Variants in DCAF1 observed in about 807,000 individuals in gnomAD.
DCAF1 encodes DDB1- and CUL4-associated factor 1.
A neutral mutation model predicts 128.0 loss-of-function variants in DCAF1; 15 were observed. That is an observed-to-expected ratio of 0.12 (90% CI 0.08 to 0.18). The LOEUF (loss-of-function observed/expected upper bound fraction) is 0.18. Ranked by LOEUF, DCAF1 falls within the 10% of genes least tolerant of loss-of-function variation. DCAF1 has a pLI of 1.00. For synonymous variants in DCAF1, 610 were observed against 603.0 expected, an observed-to-expected ratio of 1.01 and a Z score of -0.17; for missense variants, 988 against 1,649.5, an observed-to-expected ratio of 0.60 and a Z score of 6.95.
intron 6 of DCAF1, among the ~76,000 whole-genome samples, chr3:51,451,703 A>T (rs1001431677): frequency 2.0e-5 from 3 of 151,566 alleles, no homozygotes; most frequent in Admixed American, 2.0e-4. Flanking sequence ...CAGAGGTTGC[A>T]GTGAGCTGAG....
At position 51,420,024 on chromosome 3, in the gene DCAF1, A is replaced by G; in HGVS notation, c.2946T>C (p.Gly982=). The part of the protein sequence containing the change: ...IRVLRQKSDH[G]AYSQSPAIKK... ...TTATGGCTGGGCTTTGGCTGTAGGC[A>G]CCATGGTCCGACTTCTGCCGCAACA... The change falls in exon 15 of 25, where the codon GGT becomes GGC. Residue 982 remains glycine (G), a synonymous_variant. Coordinates refer to ENST00000684031, the MANE Select transcript of DCAF1 (RefSeq NM_001387579.1). This position sits in a 1 kb window ranked among gnomAD's most constrained non-coding sequence, Gnocchi z 6.5. The G allele has an allele frequency of 2.5e-6, 4 of 1,613,950 alleles. No homozygotes were observed. The highest frequency in any genetic ancestry group is 3.4e-6 in the Non-Finnish European group (4 of 1,179,890).
At chr3:51,447,218 T>C (rs781895405) in intron 6 of DCAF1, among the ~76,000 whole-genome samples, 14 of 151,690 alleles carry the variant, frequency 9.2e-5, no homozygotes, top group Non-Finnish European at 1.8e-4. Context: ...ACCAGCCTCC[T>C]GGCCAACATG....
In DCAF1 at chr3:51,441,562, T is replaced by G. The variant is rs782300328; in HGVS notation, c.849A>C (p.Gln283His). 1 of 1,614,022 alleles carries G rather than the reference T, an allele frequency of 6.2e-7. No homozygotes were observed. Among genetic ancestry groups the G allele is most frequent in the Admixed American group, 1.7e-5 (1 of 60,010 alleles). The change falls in exon 8 of 25, where the codon CAA becomes CAC. Residue 283 changes from glutamine to histidine, a missense_variant. Coordinates refer to ENST00000684031, the MANE Select transcript of DCAF1 (RefSeq NM_001387579.1). ...GATCAGAAGATGAGAAACCCAACTT[T>G]TGCTTGGCTTTCCTAAAGTTCTCTC... The part of the protein sequence containing the change: ...GDRENFRKAK[Q>H]KLGFSSSDPD...
Position 51,444,007 on chromosome 3 carries a change from T to C in DCAF1, c.376-104A>G. ...CATGAAAAAAATTTTAATATTTCAA[T>C]GTTCGTAAGAGTAAAAAAAGTACTA... On this transcript the variant is annotated intron_variant, in intron 6 of 24. Coordinates refer to ENST00000684031, the MANE Select transcript of DCAF1 (RefSeq NM_001387579.1). 8.0e-6 allele frequency: 9 copies of C among 1,123,886 alleles called. No homozygotes were observed. In the South Asian group the frequency reaches 1.6e-4, roughly 20 times the overall value. 69.6% of individuals were successfully genotyped at this position (1,123,886 alleles called of 1,614,324 possible). A position where few individuals can be genotyped will look rare whatever the true frequency, so the allele number is the denominator to read the frequency against.
At position 51,420,496 on chromosome 3, in the gene DCAF1, G is replaced by A; in HGVS notation, c.2474C>T (p.Thr825Ile). ...RVSGKPLLIGTDVSLARLQKA... is the reference protein window; with the variant it reads ...RVSGKPLLIGIDVSLARLQKA... ...CTGCAGTCGTGCTAGGGAAACATCA[G>A]TGCCAATGAGAAGTGGTTTTCCTGA... The change falls in exon 15 of 25, where the codon ACT (threonine) becomes ATT (isoleucine). Residue 825 changes from threonine to isoleucine, a missense_variant. Thr to Ile is a moderately conservative substitution (Grantham distance 89). Transcript: ENST00000684031. This position sits in a 1 kb window ranked among gnomAD's most constrained non-coding sequence, Gnocchi z 6.5. The A allele has an allele frequency of 6.2e-7, 1 of 1,613,984 alleles. No homozygotes were observed. Among genetic ancestry groups the A allele is most frequent in the Non-Finnish European group, 8.5e-7 (1 of 1,179,890 alleles).
At chr3:51,397,714 G>A (rs144011390), downstream of DCAF1, 1 of 167,170 alleles carries the variant, frequency 6.0e-6, no homozygotes, top group Non-Finnish European at 1.5e-5. Context: ...TTTCCTCCCT[G>A]GAGTGCTCTA....
rs2089351845 is a variant in DCAF1 at position 51,398,233 on chromosome 3, A to G, written c.*536T>C. The G allele has an allele frequency of 6.6e-6, 1 of 152,146 alleles. No homozygotes were observed. Among genetic ancestry groups the G allele is most frequent in the Non-Finnish European group, 1.5e-5 (1 of 68,032 alleles). 9.4% of individuals were successfully genotyped at this position (152,146 alleles called of 1,614,324 possible). On this transcript the variant is annotated 3_prime_UTR_variant, in exon 25 of 25. Coordinates refer to ENST00000684031, the MANE Select transcript of DCAF1 (RefSeq NM_001387579.1). ...AATATTCTTAATCCTTATCAATTTA[A>G]GAAACCACGATTTTCCTTTTCATTT...
At chr3:51,427,168 T>G (rs1388123013) in intron 13 of DCAF1, among the ~76,000 whole-genome samples, 1 of 152,218 alleles carries the variant, frequency 6.6e-6, no homozygotes, top group African/African-American at 2.4e-5. Context: ...ATGCAAATTT[T>G]ACAATCACCA....
At chr3:51,395,885 A>G (rs143050198), downstream of DCAF1, 1,060 of 413,496 alleles carry the variant, frequency 2.6e-3, 6 homozygotes, top group Admixed American at 3.6e-3. Context: ...AAGCATGTTT[A>G]TTTATTTGCC....
chr3:51,403,469 CAA>C, intron 23 of DCAF1, 74 bp from the exon 24 acceptor site: 1 of 1,520,806 alleles, frequency 6.6e-7, no homozygotes, highest in Non-Finnish European at 8.8e-7. Flanking sequence ...GCGGGTCGAC[CAA>C]AGAGACAGGG....
chr3:51,432,144 G>A (rs1286040247), intron 10 of DCAF1, among the ~76,000 whole-genome samples: 3 of 151,574 alleles, frequency 2.0e-5, no homozygotes, highest in African/African-American at 7.3e-5. Flanking sequence ...AGTGGTGGGC[G>A]CCTGTAATCC....
intron 24 of DCAF1, among the ~76,000 whole-genome samples, chr3:51,401,218 C>T (rs1481396726): frequency 6.6e-6 from 1 of 151,538 alleles, no homozygotes; most frequent in African/African-American, 2.4e-5. Flanking sequence ...CAGGGAGTCC[C>T]TGCAGACTCC....
chr3:51,401,298 T>C (rs2106809551), intron 24 of DCAF1, among the ~76,000 whole-genome samples: 1 of 152,288 alleles, frequency 6.6e-6, no homozygotes, highest in Admixed American at 6.5e-5. Context: ...TTTCACCCTA[T>C]CCTAAAAGGG....
At chr3:51,497,694 G>A (rs142322062) in intron 1 of DCAF1, among the ~76,000 whole-genome samples, 3,083 of 152,152 alleles carry the variant, frequency 0.02, 68 homozygotes, top group Non-Finnish European at 0.026. Context: ...AGGTCAGCTG[G>A]GCAACATTTT....
chr3:51,407,463 G>A (rs1219738577), intron 23 of DCAF1, among the ~76,000 whole-genome samples: 1 of 152,178 alleles, frequency 6.6e-6, no homozygotes, highest in Non-Finnish European at 1.5e-5. Context: ...CTTCTAGGCA[G>A]TGGAGAACAC....
At chr3:51,483,689 T>C (rs1553653963) in intron 3 of DCAF1, 30 bp downstream of exon 3, 1 of 1,541,690 alleles carries the variant, frequency 6.5e-7, no homozygotes. Context: ...GGTTTTTTAT[T>C]AAACTAGGTT....
intron 2 of DCAF1, among the ~76,000 whole-genome samples, chr3:51,491,217 A>G (rs1553657832): frequency 6.6e-6 from 1 of 151,690 alleles, no homozygotes; most frequent in Admixed American, 6.6e-5. Context: ...GCGTGTTGGC[A>G]CGCACCTGTA....
chr3:51,468,471 C>T (rs1174280808), intron 4 of DCAF1, among the ~76,000 whole-genome samples: 1 of 152,176 alleles, frequency 6.6e-6, no homozygotes, highest in Non-Finnish European at 1.5e-5. Context: ...CACACGCGGC[C>T]TAGTTTGTTT....
chr3:51,467,327 G>A (rs782526606), intron 4 of DCAF1, among the ~76,000 whole-genome samples: 11 of 152,018 alleles, frequency 7.2e-5, no homozygotes, highest in South Asian at 4.2e-4. Context: ...GGAAGACTCC[G>A]TCTCGAAAAA....
Sources: gnomAD v4.1 joint callset for allele counts (sites outside exome capture counted in the v4.1 genomes callset) on GRCh38, gnomAD v4.1.1 for gene constraint, Gnocchi (gnomAD v3.1) non-coding constraint, MANE v1.5 for transcripts, NCBI Gene and HGNC (gene_info 2026-07-23, HGNC 2026-07-21) for gene names.